Variants in LEF1 observed in about 807,000 individuals in gnomAD.
LEF1 encodes the protein lymphoid enhancer binding factor 1, also known as lymphoid enhancer-binding factor 1.
Under a neutral mutation model 51.2 loss-of-function variants are expected in LEF1, and 14 were observed. That is an observed-to-expected ratio of 0.27 (90% CI 0.18 to 0.43). The LOEUF (loss-of-function observed/expected upper bound fraction) is 0.43, where lower values mean the gene tolerates loss of function less well. LEF1 is among the 20% of genes least tolerant of loss of function. The probability of loss-of-function intolerance (pLI) is 1.00; values close to 1 mark genes in which losing one functional copy is unlikely to be tolerated. For missense variants in LEF1, 386 were observed against 512.0 expected (o/e 0.75, Z 2.37); for synonymous variants, 185 against 183.2 (o/e 1.01, Z -0.08).
chr4:108,090,220 T>C (rs10856986), intron 3 of LEF1, among the ~76,000 whole-genome samples: 125,983 of 152,130 alleles, frequency 0.83, 53,520 homozygotes, highest in East Asian at 0.96. Context: ...CTTTGTGATC[T>C]GCCCACTTTG....
intron 3 of LEF1, among the ~76,000 whole-genome samples, chr4:108,117,559 C>T (rs1578363138): frequency 6.6e-6 from 1 of 152,242 alleles, no homozygotes; most frequent in Non-Finnish European, 1.5e-5. Flanking sequence ...AGAAAAGCCT[C>T]TCCATTTGAG....
At chr4:108,164,668 G>C (rs1179613483) in intron 2 of LEF1, among the ~76,000 whole-genome samples, 4 of 152,140 alleles carry the variant, frequency 2.6e-5, no homozygotes, top group African/African-American at 9.7e-5. Context: ...CCTTTTCACT[G>C]TAATAAGGAA....
chr4:108,088,659 T>C (rs1271864966), intron 4 of LEF1, among the ~76,000 whole-genome samples: 1 of 152,234 alleles, frequency 6.6e-6, no homozygotes, highest in Non-Finnish European at 1.5e-5. Flanking sequence ...AATGATTATG[T>C]AGAATATGTA....
At chr4:108,086,832 A>ACACACACACACACACT (rs1296494488) in intron 4 of LEF1, among the ~76,000 whole-genome samples, 1 of 150,490 alleles carries the variant, frequency 6.6e-6, no homozygotes, top group Non-Finnish European at 1.5e-5. Context: ...ACACACTTAC[A>ACACACACACACACACT]CACACACACA....
chr4:108,067,479 C>G (rs1368159478), intron 9 of LEF1, among the ~76,000 whole-genome samples: 1 of 151,802 alleles, frequency 6.6e-6, no homozygotes, highest in Non-Finnish European at 1.5e-5. Flanking sequence ...GATTAGCTCT[C>G]CCCCTTTAGA....
chr4:108,146,410 T>C lies in LEF1; in HGVS notation c.414+17158A>G, dbSNP rs147462310. Among the ~76,000 whole-genome samples, 120 of 152,362 alleles carry C rather than the reference T, an allele frequency of 7.9e-4. 1 individual carries two copies. The East Asian group carries it at 0.021, about 27-fold the overall frequency. ...CTGATTTGGTATAATAGGTATGCACTTGTGGTGCCCCTAATAAGTTATTAA... is the reference window on the plus strand; with the variant it reads ...CTGATTTGGTATAATAGGTATGCACCTGTGGTGCCCCTAATAAGTTATTAA... On this transcript the variant is annotated intron_variant, in intron 3 of 11. Coordinates refer to ENST00000265165, the MANE Select transcript of LEF1 (RefSeq NM_016269.5).
At chr4:108,166,726 G>A (rs1325485781) in intron 1 of LEF1, 2 of 989,948 alleles carry the variant, frequency 2.0e-6, no homozygotes, top group Non-Finnish European at 2.4e-6. Flanking sequence ...ACTAGTGCCC[G>A]GCTTCCGCTG....
intron 3 of LEF1, among the ~76,000 whole-genome samples, chr4:108,095,141 G>C (rs921638218): frequency 6.6e-6 from 1 of 152,140 alleles, no homozygotes; most frequent in African/African-American, 2.4e-5. Flanking sequence ...GAGGCCCCAG[G>C]ATCTTAAGAT....
At chr4:108,069,920 C>T (rs534635234) in intron 9 of LEF1, among the ~76,000 whole-genome samples, 7 of 149,022 alleles carry the variant, frequency 4.7e-5, no homozygotes, top group African/African-American at 7.4e-5. Flanking sequence ...ATCATGCCAC[C>T]GCACTCCAGC....
chr4:108,051,595 C>A (rs1244426994), intron 11 of LEF1, among the ~76,000 whole-genome samples: 1 of 152,184 alleles, frequency 6.6e-6, no homozygotes, highest in African/African-American at 2.4e-5. Flanking sequence ...TTACTGCTCT[C>A]CGGCTGCGGC....
chr4:108,082,043 T>C (rs1739341398), intron 5 of LEF1, among the ~76,000 whole-genome samples: 1 of 152,174 alleles, frequency 6.6e-6, no homozygotes, highest in Non-Finnish European at 1.5e-5. Context: ...CTGAGTGACT[T>C]CTTTATCAGA....
intron 1 of LEF1, among the ~76,000 whole-genome samples, chr4:108,165,851 C>G (rs1415814562): frequency 6.6e-6 from 1 of 152,166 alleles, no homozygotes; most frequent in East Asian, 1.9e-4. Context: ...GCCTCAAACA[C>G]GTGCAAATCA....
At chr4:108,117,236 A>G (rs1741895919) in intron 3 of LEF1, among the ~76,000 whole-genome samples, 1 of 152,184 alleles carries the variant, frequency 6.6e-6, no homozygotes, top group African/African-American at 2.4e-5. Flanking sequence ...ATACCTTCAC[A>G]TATAAACATT....
intron 11 of LEF1, among the ~76,000 whole-genome samples, chr4:108,051,555 C>T (rs1293200777): frequency 1.3e-5 from 2 of 152,172 alleles, no homozygotes; most frequent in Non-Finnish European, 2.9e-5. Context: ...CCCAACCCAC[C>T]AGTGAAGTCT....
chr4:108,144,268 T>G (rs1743857103), intron 3 of LEF1, among the ~76,000 whole-genome samples: 1 of 152,180 alleles, frequency 6.6e-6, no homozygotes, highest in Admixed American at 6.5e-5. Context: ...CCAACCTAAA[T>G]TCTTTCAACA....
chr4:108,079,572 T>G lies in LEF1; in HGVS notation c.765A>C (p.Thr255=). 1 of 1,613,972 alleles carries G rather than the reference T, an allele frequency of 6.2e-7. No homozygotes were observed. Among genetic ancestry groups the G allele is most frequent in the Non-Finnish European group, 8.5e-7 (1 of 1,179,918 alleles). ...HMIPGPPGPH[T]TGIPHPAIVT... The stretch of plus-strand genomic sequence containing the variant: ...CAATAGCTGGATGAGGGATGCCAGT[T>G]GTGTGGGGACCAGGAGGACCGGGAA... Residue 255 remains threonine (T), a synonymous_variant, in exon 7 of 12, where the codon ACA becomes ACC. Transcript: ENST00000265165.
chr4:108,086,423 G>A (rs914997267), intron 4 of LEF1, among the ~76,000 whole-genome samples: 4 of 152,016 alleles, frequency 2.6e-5, no homozygotes, highest in Non-Finnish European at 2.9e-5. Flanking sequence ...AGTATTTATT[G>A]AACACTTACT....
intron 3 of LEF1, among the ~76,000 whole-genome samples, chr4:108,092,917 T>TAAAAAAAA (rs71592104): frequency 6.7e-4 from 21 of 31,146 alleles, no homozygotes; most frequent in African/African-American, 9.8e-4. Flanking sequence ...AATGAATATG[T>TAAAAAAAA]AAAAAAAAAA....
At chr4:108,082,761 C>T (rs755181541) in intron 5 of LEF1, among the ~76,000 whole-genome samples, 1 of 152,084 alleles carries the variant, frequency 6.6e-6, no homozygotes, top group Non-Finnish European at 1.5e-5. Flanking sequence ...ATTTTGGAGG[C>T]AGCAGTAAGC....
Sources: gnomAD v4.1 joint callset for allele counts (sites outside exome capture counted in the v4.1 genomes callset) on GRCh38, gnomAD v4.1.1 for gene constraint, MANE v1.5 for transcripts, NCBI Gene and HGNC (gene_info 2026-07-23, HGNC 2026-07-21) for gene names.